SLC25A48: variants seen among roughly 807,000 people sequenced by gnomAD.
SLC25A48 encodes the protein CTC-321K16.1.
SLC25A48 carries 29 observed loss-of-function variants against 32.2 expected under a neutral mutation model. The ratio of observed to expected loss-of-function variants is 0.90; its 90% CI spans 0.67 to 1.23. The LOEUF is 1.23. Among genes scored for constraint, SLC25A48 ranks in the 50% most tolerant of loss-of-function variants. The probability of loss-of-function intolerance (pLI) is 0.00; values close to 1 mark genes in which losing one functional copy is unlikely to be tolerated. For missense variants in SLC25A48, 399 were observed against 422.7 expected (o/e 0.94, Z 0.49); for synonymous variants, 164 against 172.3 (o/e 0.95, Z 0.38).
At chr5:135,744,562 C>G (rs1241139662) in intron 3 of SLC25A48, among the ~76,000 whole-genome samples, 1 of 145,774 alleles carries the variant, frequency 6.9e-6, no homozygotes, top group Admixed American at 6.9e-5. Context: ...GTCTTGAACT[C>G]CTGACCTCAA....
chr5:135,785,865 A>G (rs1756833285), intron 3 of SLC25A48, among the ~76,000 whole-genome samples: 1 of 149,076 alleles, frequency 6.7e-6, no homozygotes, highest in Non-Finnish European at 1.5e-5. Flanking sequence ...TGTAATAACC[A>G]GGTGGGGAGG....
intron 3 of SLC25A48, among the ~76,000 whole-genome samples, chr5:135,766,524 G>T (rs1264944559): frequency 6.7e-6 from 1 of 150,218 alleles, no homozygotes; most frequent in Non-Finnish European, 1.5e-5. Context: ...TCCTCATATC[G>T]TGGGGGGTGT....
chr5:135,702,515 T>C (rs60413158), intron 3 of SLC25A48, among the ~76,000 whole-genome samples: 5,071 of 152,334 alleles, frequency 0.033, 102 homozygotes, highest in African/African-American at 0.059. Context: ...GCCAATCCCT[T>C]GATTTTGGAT....
intron 3 of SLC25A48, among the ~76,000 whole-genome samples, chr5:135,736,219 T>A (rs558108317): frequency 1.1e-3 from 173 of 152,082 alleles, no homozygotes; most frequent in African/African-American, 3.9e-3. Flanking sequence ...AGGGAGGGAA[T>A]GAAGTGTGAA....
intron 3 of SLC25A48, among the ~76,000 whole-genome samples, chr5:135,791,828 G>T (rs941819992): frequency 6.6e-6 from 1 of 151,662 alleles, no homozygotes; most frequent in Non-Finnish European, 1.5e-5. Flanking sequence ...CACAGGGGGT[G>T]TGCACCTTGT....
chr5:135,858,609 C>A (rs1346411119), intron 4 of SLC25A48, among the ~76,000 whole-genome samples: 1 of 152,208 alleles, frequency 6.6e-6, no homozygotes, highest in Admixed American at 6.5e-5. Context: ...ACCCCCAGGT[C>A]CCTCCCTTAG....
chr5:135,826,471 C>T (rs1758054763), intron 4 of SLC25A48: 1 of 152,266 alleles, frequency 6.6e-6, no homozygotes. Flanking sequence ...TGTAGCCTGA[C>T]CCAAGCTCAG....
chr5:135,752,247 G>A, intron 3 of SLC25A48, among the ~76,000 whole-genome samples: 1 of 152,246 alleles, frequency 6.6e-6, no homozygotes, highest in South Asian at 2.1e-4. Context: ...CTACAGTCTA[G>A]GAAAAAACAT....
intron 3 of SLC25A48, among the ~76,000 whole-genome samples, chr5:135,678,739 C>T (rs1256130493): frequency 1.3e-5 from 2 of 152,038 alleles, no homozygotes; most frequent in Non-Finnish European, 2.9e-5. Flanking sequence ...GGTTCTTTGG[C>T]TTTGATTCTA....
chr5:135,799,105 T>A (rs548410282), intron 3 of SLC25A48, among the ~76,000 whole-genome samples: 2 of 151,630 alleles, frequency 1.3e-5, no homozygotes, highest in Non-Finnish European at 2.9e-5. Flanking sequence ...TTTTTCCTAA[T>A]GTACAGGGCG....
chr5:135,679,684 C>T (rs1424725955), intron 3 of SLC25A48, among the ~76,000 whole-genome samples: 2 of 152,154 alleles, frequency 1.3e-5, no homozygotes, highest in Non-Finnish European at 2.9e-5. Context: ...TGGCCCAGGG[C>T]TTCAGGCCAT....
At chr5:135,766,485 A>G (rs750761420) in intron 3 of SLC25A48, among the ~76,000 whole-genome samples, 44 of 150,818 alleles carry the variant, frequency 2.9e-4, no homozygotes, top group Middle Eastern at 3.5e-3. Flanking sequence ...TATGGTTCAT[A>G]ATATCCAGGG....
chr5:135,826,358 T>C (rs1275860001), intron 4 of SLC25A48: 1 of 152,470 alleles, frequency 6.6e-6, no homozygotes, highest in East Asian at 1.9e-4. Flanking sequence ...CCTGTTCTCC[T>C]AGCTGGAAAA....
chr5:135,818,424 T>A (rs1757792903), intron 4 of SLC25A48, among the ~76,000 whole-genome samples: 1 of 152,172 alleles, frequency 6.6e-6, no homozygotes, highest in African/African-American at 2.4e-5. Flanking sequence ...AGAACCCAAC[T>A]AAGATTTAAA....
intron 4 of SLC25A48, 128 bp downstream of exon 4, chr5:135,852,949 G>A (rs1273150252): frequency 3.2e-6 from 4 of 1,245,424 alleles, no homozygotes; most frequent in East Asian, 5.1e-5. Context: ...CTAGTAGTCC[G>A]TAATTACAGG....
At chr5:135,594,457 C>T (rs1411055259) in intron 1 of SLC25A48, among the ~76,000 whole-genome samples, 2 of 152,194 alleles carry the variant, frequency 1.3e-5, no homozygotes, top group African/African-American at 4.8e-5. Context: ...CTGTCTCACT[C>T]TCTAGCTGTG....
chr5:135,850,323 G>A, intron 2 of SLC25A48, 102 bp from the exon 3 acceptor site: 1 of 1,171,596 alleles, frequency 8.5e-7, no homozygotes, highest in Non-Finnish European at 1.3e-6. Context: ...CCCTTTGCTG[G>A]CGGGGGTCAC....
intron 1 of SLC25A48, among the ~76,000 whole-genome samples, chr5:135,602,614 C>CTTTTTTTTTTTTTTTTTTT (rs781288614): frequency 7.2e-6 from 1 of 139,726 alleles, no homozygotes; most frequent in Non-Finnish European, 1.6e-5. Flanking sequence ...TTTTTTCTTT[C>CTTTTTTTTTTTTTTTTTTT]TTTTTTTTTT....
At chr5:135,805,053 T>C (rs1380264111) in intron 3 of SLC25A48, among the ~76,000 whole-genome samples, 1 of 151,484 alleles carries the variant, frequency 6.6e-6, no homozygotes, top group Non-Finnish European at 1.5e-5. Context: ...TAGGAAGATA[T>C]TACTCCTAAT....
Sources: allele counts gnomAD v4.1 joint callset (sites outside exome capture counted in the v4.1 genomes callset), GRCh38; gene constraint gnomAD v4.1.1; transcripts MANE v1.5; gene names NCBI Gene and HGNC (gene_info 2026-07-23, HGNC 2026-07-21).